Variants in VPS13B observed in about 807,000 individuals in gnomAD.
The protein encoded by VPS13B is vacuolar protein sorting 13 homolog B, also known as intermembrane lipid transfer protein VPS13B.
A neutral mutation model predicts 426.4 loss-of-function variants in VPS13B; 285 were observed. The ratio of observed to expected loss-of-function variants is 0.67; its 90% CI spans 0.61 to 0.74. The LOEUF (loss-of-function observed/expected upper bound fraction) is 0.74, where lower values mean the gene tolerates loss of function less well. Ranked by LOEUF, VPS13B falls within the 30% of genes least tolerant of loss-of-function variation. The probability of loss-of-function intolerance (pLI) is 0.00; values close to 1 mark genes in which losing one functional copy is unlikely to be tolerated. For synonymous variants in VPS13B, 1,676 were observed against 1,676.4 expected, an observed-to-expected ratio of 1.00 and a Z score of 0.01; for missense variants, 4,537 against 4,782.6, an observed-to-expected ratio of 0.95 and a Z score of 1.51.
intron 2 of VPS13B, among the ~76,000 whole-genome samples, chr8:99,037,142 G>C (rs1251832779): frequency 6.6e-6 from 1 of 152,034 alleles, no homozygotes; most frequent in Non-Finnish European, 1.5e-5. Context: ...ATATAATCTT[G>C]TGCTAGCTGA....
intron 39 of VPS13B, among the ~76,000 whole-genome samples, chr8:99,725,780 T>G (rs896719066): frequency 2.8e-4 from 43 of 152,228 alleles, no homozygotes; most frequent in Admixed American, 6.5e-4. Context: ...TGTGTTATTT[T>G]TCAGTGGTAT....
intron 43 of VPS13B, among the ~76,000 whole-genome samples, chr8:99,801,163 T>G (rs1436757108): frequency 6.6e-6 from 1 of 152,122 alleles, no homozygotes; most frequent in Admixed American, 6.6e-5. Flanking sequence ...AGAGTTCACT[T>G]TCTCTTCACC....
At chr8:99,614,317 G>A (rs1163023095) in intron 33 of VPS13B, among the ~76,000 whole-genome samples, 1 of 151,790 alleles carries the variant, frequency 6.6e-6, no homozygotes, top group East Asian at 1.9e-4. Flanking sequence ...CGCTCTTGTT[G>A]CACAGGCTGG....
At chr8:99,439,114 A>G (rs1317621937) in intron 22 of VPS13B, among the ~76,000 whole-genome samples, 1 of 152,212 alleles carries the variant, frequency 6.6e-6, no homozygotes. Flanking sequence ...TTAACAAATC[A>G]GTTTTATTAA....
At chr8:99,125,006 AGAT>A (rs770245975) in intron 8 of VPS13B, among the ~76,000 whole-genome samples, 2 of 152,126 alleles carry the variant, frequency 1.3e-5, no homozygotes, top group African/African-American at 2.4e-5. Flanking sequence ...GATTCCACTT[AGAT>A]GATGTTCTCT....
chr8:99,229,769 C>G (rs910915512), intron 17 of VPS13B, among the ~76,000 whole-genome samples: 3 of 152,112 alleles, frequency 2.0e-5, no homozygotes, highest in Non-Finnish European at 4.4e-5. Context: ...GTGTCATACT[C>G]TAAAGCCTTG....
chr8:99,161,131 T>A (rs1268518374), intron 15 of VPS13B, among the ~76,000 whole-genome samples: 1 of 152,216 alleles, frequency 6.6e-6, no homozygotes, highest in Non-Finnish European at 1.5e-5. Flanking sequence ...TTACAATGCT[T>A]TATACTCTAT....
chr8:99,196,170 A>C (rs1326444272), intron 17 of VPS13B, among the ~76,000 whole-genome samples: 1 of 151,956 alleles, frequency 6.6e-6, no homozygotes, highest in African/African-American at 2.4e-5. Context: ...TAATTCTCCA[A>C]GTTCATTAGC....
At position 99,061,296 on chromosome 8, in the gene VPS13B, CT is replaced by C. The variant is rs36037937; in HGVS notation, c.291+22748del. ...TTGATGATTAGATGCTGCTAATTTTCTTTTTTTTTTTTTTTTTTGAACTTGT... is the reference window on the plus strand; with the variant it reads ...TTGATGATTAGATGCTGCTAATTTTCTTTTTTTTTTTTTTTTTGAACTTGT... On this transcript the variant is annotated intron_variant, in intron 3 of 61. Coordinates refer to ENST00000357162, the MANE Select transcript of VPS13B (RefSeq NM_152564.5). Among the ~76,000 whole-genome samples the C allele has an allele frequency of 3.6e-3, 411 of 112,940 alleles. 3 individuals are homozygous for C. The highest frequency in any genetic ancestry group is 0.01 in the African/African-American group (289 of 28,728). 74.1% of individuals were successfully genotyped at this position (112,940 alleles called of 152,430 possible).
intron 17 of VPS13B, among the ~76,000 whole-genome samples, chr8:99,271,731 A>G (rs1194417122): frequency 2.6e-5 from 4 of 152,182 alleles, no homozygotes; most frequent in Non-Finnish European, 2.9e-5. Flanking sequence ...TGGTGGCAGG[A>G]GAGAGAATTG....
intron 24 of VPS13B, among the ~76,000 whole-genome samples, chr8:99,477,134 G>A (rs189862249): frequency 2.0e-5 from 3 of 152,058 alleles, no homozygotes; most frequent in Admixed American, 2.0e-4. Context: ...TAAACTTTTT[G>A]ACATCTTCTG....
chr8:99,205,278 C>A (rs1272526620), intron 17 of VPS13B, among the ~76,000 whole-genome samples: 1 of 152,134 alleles, frequency 6.6e-6, no homozygotes, highest in Non-Finnish European at 1.5e-5. Flanking sequence ...ACCACGTGTT[C>A]TCACTCATAA....
intron 5 of VPS13B, among the ~76,000 whole-genome samples, chr8:99,103,998 A>T (rs889831037): frequency 2.6e-5 from 4 of 152,162 alleles, no homozygotes; most frequent in Admixed American, 6.5e-5. Flanking sequence ...CTTGTTTCAA[A>T]TGTGATGTAT....
At chr8:99,267,729 A>AAAAAAG (rs1052272469) in intron 17 of VPS13B, among the ~76,000 whole-genome samples, 3 of 151,910 alleles carry the variant, frequency 2.0e-5, no homozygotes, top group African/African-American at 7.3e-5. Flanking sequence ...CCGTCAAAAA[A>AAAAAAG]AAAAAAGAAA....
chr8:99,105,735 A>G (rs915114693), intron 5 of VPS13B, among the ~76,000 whole-genome samples: 1 of 152,210 alleles, frequency 6.6e-6, no homozygotes, highest in African/African-American at 2.4e-5. Context: ...TTAATTTAGT[A>G]TAGAAGCAAT....
chr8:99,280,325 C>T (rs1819109563), intron 19 of VPS13B, among the ~76,000 whole-genome samples: 1 of 152,150 alleles, frequency 6.6e-6, no homozygotes, highest in Admixed American at 6.5e-5. Context: ...TTTCCCTACT[C>T]CCTCCCAAGC....
chr8:99,340,877 A>G, intron 19 of VPS13B: 1 of 312,698 alleles, frequency 3.2e-6, no homozygotes, highest in Admixed American at 3.7e-5. Flanking sequence ...TGGCTGGTTC[A>G]GCTGTGGTTG....
chr8:99,264,191 T>TACTTTTA (rs1344502492), intron 17 of VPS13B, among the ~76,000 whole-genome samples: 1 of 151,998 alleles, frequency 6.6e-6, no homozygotes, highest in Non-Finnish European at 1.5e-5. Context: ...GTGAGATAAT[T>TACTTTTA]ACTTTTAATT....
At chr8:99,531,138 C>A (rs896097553) in intron 30 of VPS13B, among the ~76,000 whole-genome samples, 4 of 152,172 alleles carry the variant, frequency 2.6e-5, no homozygotes, top group Non-Finnish European at 4.4e-5. Flanking sequence ...TTATAACCTT[C>A]AAACCACAAT....
Sources: gnomAD v4.1 joint callset for allele counts (sites outside exome capture counted in the v4.1 genomes callset) on GRCh38, gnomAD v4.1.1 for gene constraint, MANE v1.5 for transcripts, NCBI Gene and HGNC (gene_info 2026-07-23, HGNC 2026-07-21) for gene names.